Variants in TBC1D22A observed in about 807,000 individuals in gnomAD.
TBC1D22A encodes putative GTPase activator.
Under a neutral mutation model 60.2 loss-of-function variants are expected in TBC1D22A, and 38 were observed. The ratio of observed to expected loss-of-function variants is 0.63; its 90% CI spans 0.49 to 0.83. The LOEUF is 0.83. TBC1D22A is among the 40% of genes least tolerant of loss of function. The pLI, the probability that TBC1D22A is intolerant of heterozygous loss-of-function variation, is 0.00. For missense variants in TBC1D22A, 628 were observed against 701.0 expected (o/e 0.90, Z 1.18); for synonymous variants, 302 against 281.7 (o/e 1.07, Z -0.72).
intron 11 of TBC1D22A, among the ~76,000 whole-genome samples, chr22:47,055,350 G>A (rs1006503895): frequency 2.6e-5 from 4 of 152,234 alleles, no homozygotes; most frequent in South Asian, 2.1e-4. Flanking sequence ...GCACCAGCGC[G>A]TCTCTGGCAA....
rs1375339824 is a variant in TBC1D22A, at chr22:47,076,359, G to GTATATA, written c.1330-35148_1330-35147insATATAT. Among the ~76,000 whole-genome samples, 214 of 85,146 alleles carry GTATATA rather than the reference G, an allele frequency of 2.5e-3. 1 individual carries two copies. The highest frequency in any genetic ancestry group is 7.3e-3 in the African/African-American group (170 of 23,264). 55.9% of individuals were successfully genotyped at this position (85,146 alleles called of 152,430 possible). On this transcript the variant is annotated intron_variant, in intron 11 of 12. Transcript: ENST00000337137. ...TGTGTGTGTATATATATATATGTGT[G>GTATATA]TGTATATATATATATATATATACAC...
At chr22:46,975,657 G>T (rs937321597) in intron 9 of TBC1D22A, among the ~76,000 whole-genome samples, 2 of 152,200 alleles carry the variant, frequency 1.3e-5, no homozygotes, top group Non-Finnish European at 2.9e-5. Context: ...GGTAAAGGTT[G>T]TTCCTGATAC....
At chr22:47,083,902 G>A (rs530629470) in intron 11 of TBC1D22A, among the ~76,000 whole-genome samples, 7 of 152,160 alleles carry the variant, frequency 4.6e-5, no homozygotes, top group Non-Finnish European at 7.3e-5. Flanking sequence ...AATGTGTAGC[G>A]CAGCCAGAAG....
intron 8 of TBC1D22A, among the ~76,000 whole-genome samples, chr22:46,943,807 G>A (rs563513312): frequency 1.3e-5 from 2 of 152,274 alleles, no homozygotes; most frequent in African/African-American, 2.4e-5. Flanking sequence ...AGCATCCTAC[G>A]GCATGTGGCC....
At chr22:46,959,880 C>T (rs1043838078) in intron 8 of TBC1D22A, among the ~76,000 whole-genome samples, 1 of 152,204 alleles carries the variant, frequency 6.6e-6, no homozygotes, top group African/African-American at 2.4e-5. Flanking sequence ...CTTCTTGGCC[C>T]TCGAAACTGA....
chr22:46,907,910 C>T (rs562460481), intron 7 of TBC1D22A, among the ~76,000 whole-genome samples: 6 of 152,184 alleles, frequency 3.9e-5, no homozygotes, highest in South Asian at 2.1e-4. Flanking sequence ...GTTTGGGAGA[C>T]GGGGATTCCA....
intron 4 of TBC1D22A, among the ~76,000 whole-genome samples, chr22:46,833,077 C>T (rs117843612): frequency 6.6e-6 from 1 of 152,334 alleles, no homozygotes; most frequent in East Asian, 1.9e-4. Context: ...TCTCTCCTGA[C>T]TAGGAGGCCC....
intron 1 of TBC1D22A, among the ~76,000 whole-genome samples, chr22:46,780,480 T>C (rs1024235913): frequency 6.6e-6 from 1 of 151,986 alleles, no homozygotes; most frequent in African/African-American, 2.4e-5. Context: ...CAGGTTTGTT[T>C]GAAAAGAGCA....
rs150162516 is a variant in TBC1D22A, at chr22:47,127,314, G to A, written c.1425+15711G>A. Among the ~76,000 whole-genome samples, 1,350 of 144,636 alleles carry A rather than the reference G, an allele frequency of 9.3e-3. 22 individuals are homozygous for A. The highest frequency in any genetic ancestry group is 0.033 in the African/African-American group (1,287 of 38,664). The allele number at this position is 144,636 out of a possible 152,430, so 94.9% of individuals were successfully genotyped here. A position where few individuals can be genotyped will look rare whatever the true frequency, so the allele number is the denominator to read the frequency against. On this transcript the variant is annotated intron_variant, in intron 12 of 12. Transcript: ENST00000337137. Reference sequence around the variant, plus strand: ...GCGATCTTGGCTCACTGCAACCTCCGCCTCCCGGGTTCAAGCTATTCTCCT... The same window carrying A: ...GCGATCTTGGCTCACTGCAACCTCCACCTCCCGGGTTCAAGCTATTCTCCT...
rs1555909324 is a variant in TBC1D22A, at chr22:46,841,073, T to TGA, written c.638-37563_638-37562dup. On this transcript the variant is annotated intron_variant, in intron 4 of 12. Coordinates refer to ENST00000337137, the MANE Select transcript of TBC1D22A (RefSeq NM_014346.5). ...GTGTGTGTGTGTGTGTGTGTGTGTG[T>TGA]GAGAGAGAGAGAGAGAGAAAGAGAG... Among the ~76,000 whole-genome samples the TGA allele has an allele frequency of 2.3e-3, 336 of 148,664 alleles. 2 individuals carry two copies. The highest frequency in any genetic ancestry group is 7.1e-3 in the African/African-American group (287 of 40,230).
intron 11 of TBC1D22A, among the ~76,000 whole-genome samples, chr22:47,087,069 G>C (rs914516245): frequency 6.6e-6 from 1 of 152,254 alleles, no homozygotes; most frequent in Non-Finnish European, 1.5e-5. Flanking sequence ...TTGCCTCACT[G>C]TTTACTGGAG....
chr22:46,814,824 T>A (rs555736502), intron 4 of TBC1D22A, among the ~76,000 whole-genome samples: 1 of 151,382 alleles, frequency 6.6e-6, no homozygotes, highest in African/African-American at 2.4e-5. Context: ...TTTTTTTTTT[T>A]TGTATTTTTA....
Position 47,173,746 on chromosome 22 carries a change from C to T in TBC1D22A, c.*120C>T. 6.8e-7 allele frequency: 1 copy of T among 1,474,274 alleles called. No individual in the cohort carries two copies. Among genetic ancestry groups the T allele is most frequent in the Non-Finnish European group, 9.2e-7 (1 of 1,081,550 alleles). The allele number at this position is 1,474,274 out of a possible 1,614,324, so 91.3% of individuals were successfully genotyped here. On this transcript the variant is annotated 3_prime_UTR_variant, in exon 13 of 13. Transcript: ENST00000337137. ...TAAAAGGCCTTGTGAGGTGGCCCCACCCTCCAGGGGAGCTGGTGAAGATGG... is the reference window on the plus strand; with the variant it reads ...TAAAAGGCCTTGTGAGGTGGCCCCATCCTCCAGGGGAGCTGGTGAAGATGG...
chr22:46,908,905 G>A (rs1425699385), intron 7 of TBC1D22A, among the ~76,000 whole-genome samples: 4 of 152,116 alleles, frequency 2.6e-5, no homozygotes, highest in Non-Finnish European at 5.9e-5. Flanking sequence ...GGCAGAACTC[G>A]GTCTATCTCA....
chr22:46,808,770 A>G (rs2085258395), intron 4 of TBC1D22A, among the ~76,000 whole-genome samples: 1 of 152,034 alleles, frequency 6.6e-6, no homozygotes, highest in African/African-American at 2.4e-5. Flanking sequence ...AATTTTTTGT[A>G]TTGTTAGTAG....
chr22:47,083,206 C>A (rs1451942101), intron 11 of TBC1D22A, among the ~76,000 whole-genome samples: 4 of 144,540 alleles, frequency 2.8e-5, no homozygotes, highest in Non-Finnish European at 4.5e-5. Flanking sequence ...ATTTATATAT[C>A]TTGATAGGGA....
chr22:46,902,675 G>A (rs2069085702), intron 7 of TBC1D22A, among the ~76,000 whole-genome samples: 2 of 152,236 alleles, frequency 1.3e-5, no homozygotes, highest in Admixed American at 6.5e-5. Context: ...TCAGAGTCCC[G>A]TTCAAGTGGG....
chr22:47,174,052 C>T lies in TBC1D22A; in HGVS notation c.*426C>T. ...TACTCTGAAATGCAAAACTTCTATT[C>T]TGTTGAGTGAAAGAATAAAATGTAG... On this transcript the variant is annotated 3_prime_UTR_variant, in exon 13 of 13. Coordinates refer to ENST00000337137, the MANE Select transcript of TBC1D22A (RefSeq NM_014346.5). The T allele has an allele frequency of 6.0e-6, 1 of 166,928 alleles. No individual in the cohort carries two copies. The highest frequency in any genetic ancestry group is 1.3e-5 in the Non-Finnish European group (1 of 76,716). The allele number at this position is 166,928 out of a possible 1,614,324, so 10.3% of individuals were successfully genotyped here. A position where few individuals can be genotyped will look rare whatever the true frequency, so the allele number is the denominator to read the frequency against.
At chr22:46,941,751 G>T (rs1461350306) in intron 8 of TBC1D22A, among the ~76,000 whole-genome samples, 1 of 146,216 alleles carries the variant, frequency 6.8e-6, no homozygotes, top group African/African-American at 2.5e-5. Flanking sequence ...TATATATGCG[G>T]AATATATATA....
Sources: allele counts gnomAD v4.1 joint callset (sites outside exome capture counted in the v4.1 genomes callset), GRCh38; gene constraint gnomAD v4.1.1; transcripts MANE v1.5; gene names NCBI Gene and HGNC (gene_info 2026-07-23, HGNC 2026-07-21).